The following SETBP1 variants were observed in gnomAD, a reference collection of about 807,000 sequenced individuals.
SETBP1 encodes the protein SET binding protein 1.
SETBP1 carries 9 observed loss-of-function variants against 101.0 expected under a neutral mutation model. The observed-to-expected ratio is 0.09, with a 90% CI of 0.05 to 0.16. The LOEUF is 0.16. SETBP1 is among the 10% of genes least tolerant of loss of function. The pLI is 1.00. For synonymous variants in SETBP1, 818 were observed against 788.5 expected, an observed-to-expected ratio of 1.04 and a Z score of -0.63; for missense variants, 1,858 against 2,033.8, an observed-to-expected ratio of 0.91 and a Z score of 1.66.
chr18:45,023,850 GC>G lies in SETBP1; in HGVS notation c.4001-14632del, dbSNP rs1318367107. ...ATTATCTCATTTAATCCCTACGATA[GC>G]CCTCTGAGGTAGGAGGTTTGTTACA... On this transcript the variant is annotated intron_variant, in intron 4 of 5. Transcript: ENST00000649279. 3.9e-5 allele frequency among the ~76,000 whole-genome samples: 6 copies of G among 152,256 alleles called. No individual in the cohort carries two copies. The East Asian group carries it at 1.2e-3, about 29-fold the overall frequency.
At chr18:45,054,818 T>A (rs765345663) in intron 5 of SETBP1, among the ~76,000 whole-genome samples, 1 of 152,208 alleles carries the variant, frequency 6.6e-6, no homozygotes, top group African/African-American at 2.4e-5. Flanking sequence ...CGTGGGCCCA[T>A]GAAATAACTG....
At chr18:44,691,943 A>G (rs1171062199) in intron 1 of SETBP1, among the ~76,000 whole-genome samples, 2 of 152,230 alleles carry the variant, frequency 1.3e-5, no homozygotes, top group African/African-American at 2.4e-5. Flanking sequence ...ATGGTGGAGG[A>G]GGGATTAGAA....
intron 2 of SETBP1, among the ~76,000 whole-genome samples, chr18:44,855,309 T>C (rs2072953897): frequency 6.6e-6 from 1 of 152,200 alleles, no homozygotes; most frequent in African/African-American, 2.4e-5. Flanking sequence ...TTTTTGTTTT[T>C]GTTTTTGTTT....
chr18:44,721,229 G>C (rs1163806381), intron 2 of SETBP1, among the ~76,000 whole-genome samples: 1 of 152,184 alleles, frequency 6.6e-6, no homozygotes, highest in East Asian at 1.9e-4. Context: ...GACACTTATT[G>C]AAAGCTGACT....
At chr18:44,956,423 A>G (rs1211270802) in intron 4 of SETBP1, among the ~76,000 whole-genome samples, 9 of 152,076 alleles carry the variant, frequency 5.9e-5, no homozygotes, top group Non-Finnish European at 1.0e-4. Context: ...TACTAGATGC[A>G]TTAAGAGCTT....
intron 4 of SETBP1, among the ~76,000 whole-genome samples, chr18:45,018,514 C>G (rs929525741): frequency 8.5e-5 from 13 of 152,306 alleles, no homozygotes; most frequent in South Asian, 4.1e-4. Flanking sequence ...GACATTGTCT[C>G]TTTCCTCAAC....
chr18:44,720,009 T>C (rs147532933), intron 2 of SETBP1, among the ~76,000 whole-genome samples: 42 of 152,320 alleles, frequency 2.8e-4, no homozygotes, highest in African/African-American at 8.9e-4. Flanking sequence ...CATGATTCTC[T>C]GAGGACCTCA....
chr18:45,047,918 G>T (rs923601909), intron 5 of SETBP1, among the ~76,000 whole-genome samples: 1 of 152,138 alleles, frequency 6.6e-6, no homozygotes, highest in African/African-American at 2.4e-5. Flanking sequence ...AGACACTGGA[G>T]TCATCCCAAC....
chr18:44,984,109 G>A (rs1437464230), intron 4 of SETBP1, among the ~76,000 whole-genome samples: 2 of 150,830 alleles, frequency 1.3e-5, no homozygotes, highest in Non-Finnish European at 2.9e-5. Flanking sequence ...GCTGAGGCAG[G>A]AGAATTGCTT....
At chr18:44,866,324 A>C (rs890124036) in intron 2 of SETBP1, among the ~76,000 whole-genome samples, 2 of 152,190 alleles carry the variant, frequency 1.3e-5, no homozygotes, top group African/African-American at 4.8e-5. Flanking sequence ...GGCTTGGAAG[A>C]TATCTTAAGC....
chr18:44,915,363 G>T (rs958515611), intron 3 of SETBP1, among the ~76,000 whole-genome samples: 1 of 152,196 alleles, frequency 6.6e-6, no homozygotes, highest in Non-Finnish European at 1.5e-5. Context: ...GCAGCAAATG[G>T]AGGGTACAAG....
chr18:44,885,418 C>T (rs1467290380), intron 3 of SETBP1, among the ~76,000 whole-genome samples: 4 of 151,980 alleles, frequency 2.6e-5, no homozygotes, highest in Non-Finnish European at 5.9e-5. Flanking sequence ...ATCCTTTTTT[C>T]CTGGCACACC....
chr18:45,043,348 TTCTC>T (rs1380324339), intron 5 of SETBP1, among the ~76,000 whole-genome samples: 6 of 92,548 alleles, frequency 6.5e-5, no homozygotes, highest in South Asian at 3.7e-4. Flanking sequence ...AGTATATCCT[TTCTC>T]TCTCTCTCTC....
chr18:44,886,497 T>G (rs1024497476), intron 3 of SETBP1, among the ~76,000 whole-genome samples: 1 of 152,098 alleles, frequency 6.6e-6, no homozygotes, highest in Non-Finnish European at 1.5e-5. Flanking sequence ...ATTAGATATA[T>G]TTTTCCTAGT....
At chr18:45,002,782 G>A (rs190403334) in intron 4 of SETBP1, among the ~76,000 whole-genome samples, 19 of 152,274 alleles carry the variant, frequency 1.2e-4, no homozygotes, top group Middle Eastern at 6.8e-3. Context: ...TATATAGAAA[G>A]GTGTTCGTTT....
chr18:44,680,429 C>T (rs1274769127), upstream of SETBP1: 10 of 151,826 alleles, frequency 6.6e-5, no homozygotes, highest in African/African-American at 2.2e-4. Flanking sequence ...CCCGGGAGCC[C>T]GGGCGCCCAG....
rs187819544 is a variant in SETBP1, at chr18:44,847,610, G to A, written c.487-21620G>A. ...GCTTTGTGCAACAGGTACTTTTTGA[G>A]CCCCTACAATGTGTCAAGCACTGTG... On this transcript the variant is annotated intron_variant, in intron 2 of 5. Coordinates refer to ENST00000649279, the MANE Select transcript of SETBP1 (RefSeq NM_015559.3). Among the ~76,000 whole-genome samples, 182 of 152,294 alleles carry A rather than the reference G, an allele frequency of 1.2e-3. 1 individual carries two copies. The highest frequency in any genetic ancestry group is 2.3e-3 in the Non-Finnish European group (157 of 68,026).
At chr18:44,807,064 C>A (rs1191692905) in intron 2 of SETBP1, among the ~76,000 whole-genome samples, 1 of 152,066 alleles carries the variant, frequency 6.6e-6, no homozygotes, top group Admixed American at 6.6e-5. Flanking sequence ...ATCTTCACCC[C>A]CTAACTACAC....
chr18:45,000,532 C>T (rs1163078520), intron 4 of SETBP1, among the ~76,000 whole-genome samples: 1 of 152,064 alleles, frequency 6.6e-6, no homozygotes, highest in Admixed American at 6.5e-5. Context: ...TCCTCCATCA[C>T]CACCACCAAA....
Sources: allele counts gnomAD v4.1 joint callset (sites outside exome capture counted in the v4.1 genomes callset), GRCh38; gene constraint gnomAD v4.1.1; transcripts MANE v1.5; gene names NCBI Gene and HGNC (gene_info 2026-07-23, HGNC 2026-07-21).